The following ASB5 variants were observed in gnomAD, a reference collection of about 807,000 sequenced individuals.
ASB5 encodes ankyrin repeat and SOCS box containing 5.
ASB5 carries 45 observed loss-of-function variants against 42.1 expected under a neutral mutation model. The observed-to-expected ratio is 1.07, with a 90% CI of 0.84 to 1.37. ASB5 has a LOEUF of 1.37. Ranked by LOEUF, ASB5 falls within the 40% of genes most tolerant of loss-of-function variation. The pLI is 0.00. For synonymous variants in ASB5, 147 were observed against 150.6 expected (o/e 0.98, Z 0.18); for missense variants, 402 against 399.8 (o/e 1.01, Z -0.05).
At chr4:176,245,906 G>A (rs2170575) in intron 1 of ASB5, among the ~76,000 whole-genome samples, 80,854 of 151,692 alleles carry the variant, frequency 0.53, 22,862 homozygotes, top group African/African-American at 0.74. Context: ...CGTGGGGTGG[G>A]GACTGGGGGA....
intron 1 of ASB5, among the ~76,000 whole-genome samples, chr4:176,276,065 C>G (rs942187871): frequency 6.6e-6 from 1 of 152,138 alleles, no homozygotes; most frequent in Non-Finnish European, 1.5e-5. Context: ...TCAAGTATTG[C>G]CTCTACCATA....
At chr4:176,259,590 C>A (rs756773894) in intron 1 of ASB5, among the ~76,000 whole-genome samples, 12 of 152,152 alleles carry the variant, frequency 7.9e-5, no homozygotes, top group Non-Finnish European at 1.5e-4. Flanking sequence ...GGATTGCTTC[C>A]TTTCTCACTT....
rs547684897 is a variant in ASB5 at position 176,215,691 on chromosome 4, C to G, written c.899G>C (p.Cys300Ser). The G allele has an allele frequency of 6.2e-7, 1 of 1,612,874 alleles. No individual in the cohort carries two copies. The highest frequency in any genetic ancestry group is 2.2e-5 in the East Asian group (1 of 44,748). Residue 300 changes from cysteine (C) to serine (S), a missense_variant, in exon 7 of 7, where the codon TGT (cysteine) becomes TCT (serine). By Grantham distance (112) the Cys-to-Ser change is moderately radical. Transcript: ENST00000296525. ...PSSLYQLCRL[C>S]IRSYIGKPRL... ...TGGTTTTCCTATGTAGCTTCGGATA[C>G]AGAGTCGGCAAAGTTGGTAAAGAGA...
intron 1 of ASB5, among the ~76,000 whole-genome samples, chr4:176,236,986 T>G (rs1461762847): frequency 6.6e-6 from 1 of 152,226 alleles, no homozygotes; most frequent in Non-Finnish European, 1.5e-5. Context: ...AACAGTCTTT[T>G]CCTGCTTAAT....
At chr4:176,219,688 T>C (rs1345326148) in intron 5 of ASB5, among the ~76,000 whole-genome samples, 1 of 145,806 alleles carries the variant, frequency 6.9e-6, no homozygotes, top group Admixed American at 7.2e-5. Context: ...TGCCTCAGCC[T>C]CTCGAGCAGC....
intron 1 of ASB5, among the ~76,000 whole-genome samples, chr4:176,226,916 A>G (rs1284482770): frequency 1.3e-5 from 2 of 152,210 alleles, no homozygotes; most frequent in Non-Finnish European, 2.9e-5. Flanking sequence ...TCTGCACCCA[A>G]GCTCTCCTGA....
intron 4 of ASB5, 63 bp downstream of exon 4, chr4:176,221,387 A>T (rs1753202058): frequency 6.9e-6 from 11 of 1,598,652 alleles, no homozygotes; most frequent in Non-Finnish European, 9.4e-6. Flanking sequence ...AAAGATCAAC[A>T]GAGCACTGCA....
intron 3 of ASB5, 126 bp downstream of exon 3, chr4:176,222,187 G>T: frequency 2.4e-6 from 2 of 828,954 alleles, no homozygotes; most frequent in Non-Finnish European, 3.8e-6. Flanking sequence ...GAATTCAAGA[G>T]CTTTATTTTT....
chr4:176,275,949 C>T (rs990011492), intron 1 of ASB5: 1 of 152,188 alleles, frequency 6.6e-6, no homozygotes, highest in African/African-American at 2.4e-5. Flanking sequence ...TCATCTTTTC[C>T]TTGTTAAGCT....
chr4:176,245,241 T>G (rs1324716065), intron 1 of ASB5, among the ~76,000 whole-genome samples: 4 of 152,094 alleles, frequency 2.6e-5, no homozygotes, highest in Non-Finnish European at 5.9e-5. Context: ...GGAGAGGATA[T>G]GAACAGACAC....
At chr4:176,237,294 C>A (rs1422688945) in intron 1 of ASB5, 2 of 985,730 alleles carry the variant, frequency 2.0e-6, no homozygotes, top group East Asian at 2.3e-4. Flanking sequence ...CTATACTAAC[C>A]TTGACTGGTC....
intron 1 of ASB5, among the ~76,000 whole-genome samples, chr4:176,262,191 T>C (rs866214538): frequency 1.3e-5 from 2 of 152,316 alleles, no homozygotes; most frequent in South Asian, 2.1e-4. Flanking sequence ...ATCTTTACTA[T>C]GTAAAAAATT....
chr4:176,251,616 G>C (rs1579330083), intron 1 of ASB5, among the ~76,000 whole-genome samples: 1 of 105,546 alleles, frequency 9.5e-6, no homozygotes, highest in African/African-American at 3.5e-5. Context: ...GGCTCAGAAA[G>C]CTTAAAAGAT....
intron 1 of ASB5, among the ~76,000 whole-genome samples, chr4:176,276,593 C>A (rs1356319490): frequency 6.6e-6 from 1 of 152,104 alleles, no homozygotes; most frequent in Non-Finnish European, 1.5e-5. Context: ...AACAAAGTCA[C>A]TCAATAGTTT....
At chr4:176,242,561 T>C (rs182530668) in intron 1 of ASB5, among the ~76,000 whole-genome samples, 3 of 152,358 alleles carry the variant, frequency 2.0e-5, no homozygotes, top group East Asian at 3.9e-4. Context: ...TAACCACTTA[T>C]GGTAAAAATG....
chr4:176,250,287 G>T (rs1178064729), intron 1 of ASB5, among the ~76,000 whole-genome samples: 3 of 152,126 alleles, frequency 2.0e-5, no homozygotes, highest in African/African-American at 7.2e-5. Context: ...TGTGCTAAAA[G>T]TTTCTCTGGC....
At chr4:176,230,410 T>C (rs1753505590) in intron 1 of ASB5, among the ~76,000 whole-genome samples, 1 of 152,212 alleles carries the variant, frequency 6.6e-6, no homozygotes, top group Admixed American at 6.5e-5. Flanking sequence ...TATTTTTTCT[T>C]TCTGAAATAA....
At chr4:176,259,122 C>G (rs1466477579) in intron 1 of ASB5, among the ~76,000 whole-genome samples, 1 of 152,026 alleles carries the variant, frequency 6.6e-6, no homozygotes, top group Non-Finnish European at 1.5e-5. Context: ...GAGATGCTTA[C>G]AGTTTCATTT....
At chr4:176,263,977 C>A (rs1754311764) in intron 1 of ASB5, among the ~76,000 whole-genome samples, 1 of 151,994 alleles carries the variant, frequency 6.6e-6, no homozygotes, top group African/African-American at 2.4e-5. Context: ...AGTTCACCTG[C>A]CATTCAGCTT....
Sources: allele counts gnomAD v4.1 joint callset (sites outside exome capture counted in the v4.1 genomes callset), GRCh38; gene constraint gnomAD v4.1.1; transcripts MANE v1.5; gene names NCBI Gene and HGNC (gene_info 2026-07-23, HGNC 2026-07-21).